RANBP17: variants seen among roughly 807,000 people sequenced by gnomAD.
RANBP17 encodes the protein ran-binding protein 17.
In RANBP17, 158 loss-of-function variants were observed where a neutral mutation model predicts 141.2. The observed-to-expected ratio is 1.12, with a 90% CI of 0.98 to 1.28. RANBP17 has a LOEUF of 1.28. RANBP17 is among the 50% of genes most tolerant of loss of function. RANBP17 has a pLI of 0.00. For synonymous variants in RANBP17, 430 were observed against 450.0 expected, an observed-to-expected ratio of 0.96 and a Z score of 0.56; for missense variants, 1,438 against 1,290.7, an observed-to-expected ratio of 1.11 and a Z score of -1.75.
chr5:171,195,207 A>C (rs768213181), intron 18 of RANBP17, among the ~76,000 whole-genome samples: 28 of 152,240 alleles, frequency 1.8e-4, no homozygotes, highest in Non-Finnish European at 3.8e-4. Context: ...TAAGAAAAAA[A>C]CTAACAGCTT....
At chr5:171,231,622 G>A (rs1033634202) in intron 22 of RANBP17, among the ~76,000 whole-genome samples, 9 of 152,138 alleles carry the variant, frequency 5.9e-5, no homozygotes, top group African/African-American at 1.9e-4. Flanking sequence ...TAACAATTGT[G>A]CGTCTAGTTG....
At chr5:170,977,013 CTT>C (rs1179755884) in intron 14 of RANBP17, among the ~76,000 whole-genome samples, 1 of 152,056 alleles carries the variant, frequency 6.6e-6, no homozygotes, top group Non-Finnish European at 1.5e-5. Context: ...CATTTAAAAA[CTT>C]TTGTACTTCA....
intron 14 of RANBP17, among the ~76,000 whole-genome samples, chr5:171,053,924 TA>T (rs60003234): frequency 0.026 from 1,132 of 44,186 alleles, 153 homozygotes; most frequent in South Asian, 0.05. Flanking sequence ...TATATATATA[TA>T]ATTGCTGTAT....
intron 18 of RANBP17, among the ~76,000 whole-genome samples, chr5:171,185,196 T>A (rs1761150284): frequency 6.6e-6 from 1 of 152,180 alleles, no homozygotes; most frequent in Non-Finnish European, 1.5e-5. Flanking sequence ...AATATTTTAT[T>A]GCTAAAAAAT....
At chr5:171,204,371 A>G (rs1214457327) in intron 19 of RANBP17, among the ~76,000 whole-genome samples, 2 of 152,182 alleles carry the variant, frequency 1.3e-5, no homozygotes, top group East Asian at 3.8e-4. Context: ...TTGAAATTAA[A>G]TTAATTGAAT....
intron 21 of RANBP17, among the ~76,000 whole-genome samples, chr5:171,220,441 C>CTTTTT (rs1173697219): frequency 1.9e-4 from 14 of 73,032 alleles, no homozygotes; most frequent in Admixed American, 3.6e-4. Context: ...CCAGATGATT[C>CTTTTT]TTTTTTTTTT....
rs116415259 is a variant in RANBP17 at position 171,241,266 on chromosome 5, A to T, written c.2637+124A>T. 632 of 661,266 alleles carry T rather than the reference A, an allele frequency of 9.6e-4. 8 individuals carry two copies. The African/African-American group carries it at 0.011, about 11-fold the overall frequency. 41.0% of individuals were successfully genotyped at this position (661,266 alleles called of 1,614,324 possible). ...AACATTTTATGTTTTAAGACAGCAT[A>T]CTTGATCTAACTTACAGAATTTGGA... On this transcript the variant is annotated intron_variant, in intron 23 of 27. Transcript: ENST00000523189.
intron 25 of RANBP17, among the ~76,000 whole-genome samples, chr5:171,282,030 G>C (rs1393318940): frequency 1.3e-5 from 2 of 152,192 alleles, no homozygotes; most frequent in Non-Finnish European, 2.9e-5. Flanking sequence ...TAGGAGAATG[G>C]AAGGGCTGGC....
intron 22 of RANBP17, 75 bp from the exon 23 acceptor site, chr5:171,240,853 A>G: frequency 1.1e-6 from 1 of 914,056 alleles, no homozygotes; most frequent in Non-Finnish European, 1.7e-6. Context: ...TAAAGTAAAA[A>G]TGTTAAATAG....
At chr5:171,008,928 A>G (rs1355895871) in intron 14 of RANBP17, among the ~76,000 whole-genome samples, 1 of 152,194 alleles carries the variant, frequency 6.6e-6, no homozygotes, top group Non-Finnish European at 1.5e-5. Flanking sequence ...TGACTATTAA[A>G]TATAGATGCT....
intron 13 of RANBP17, among the ~76,000 whole-genome samples, chr5:170,955,084 G>A (rs140509449): frequency 1.2e-3 from 189 of 152,154 alleles, no homozygotes; most frequent in Middle Eastern, 3.4e-3. Flanking sequence ...GATCTGAGGT[G>A]GAACAGTTTC....
intron 14 of RANBP17, among the ~76,000 whole-genome samples, chr5:170,991,947 T>G (rs1452107489): frequency 6.6e-6 from 1 of 152,038 alleles, no homozygotes; most frequent in African/African-American, 2.4e-5. Flanking sequence ...TATCACAGAT[T>G]GATTTTTGGA....
intron 4 of RANBP17, among the ~76,000 whole-genome samples, chr5:170,895,337 A>G (rs1278569877): frequency 6.6e-6 from 1 of 152,244 alleles, no homozygotes; most frequent in Non-Finnish European, 1.5e-5. Context: ...TATGATTTTC[A>G]TAATTCCAGT....
chr5:170,891,073 G>T (rs569210786), intron 3 of RANBP17, among the ~76,000 whole-genome samples: 2 of 152,052 alleles, frequency 1.3e-5, no homozygotes, highest in Non-Finnish European at 2.9e-5. Flanking sequence ...AGTCACTTTT[G>T]CTATAACATG....
Position 171,086,359 on chromosome 5 carries a change from G to A in RANBP17, c.1711-83771G>A, listed in dbSNP as rs902839381. Among the ~76,000 whole-genome samples the A allele has an allele frequency of 1.0e-3, 154 of 151,746 alleles. 2 individuals are homozygous for A. Among genetic ancestry groups the A allele is most frequent in the African/African-American group, 3.5e-3 (144 of 41,302 alleles). On this transcript the variant is annotated intron_variant, in intron 14 of 27. Coordinates refer to ENST00000523189, the MANE Select transcript of RANBP17 (RefSeq NM_022897.5). ...AGCGTTTTGATGTGCTGCTGGATTC[G>A]GTTTGCCAGTATTTTATTGAGGATT... is the stretch of plus-strand genomic sequence containing the variant.
intron 14 of RANBP17, among the ~76,000 whole-genome samples, chr5:171,124,180 A>C (rs934058299): frequency 2.0e-5 from 3 of 152,138 alleles, no homozygotes; most frequent in Non-Finnish European, 4.4e-5. Flanking sequence ...CAACATCGTG[A>C]AACCAAAGAA....
At position 170,871,578 on chromosome 5, in the gene RANBP17, G is replaced by A. The variant is rs182048718; in HGVS notation, c.19-6519G>A. 3.5e-4 allele frequency among the ~76,000 whole-genome samples: 53 copies of A among 152,226 alleles called. No individual in the cohort carries two copies. The East Asian group carries it at 8.5e-3, about 24-fold the overall frequency. On this transcript the variant is annotated intron_variant, in intron 1 of 27. Coordinates refer to ENST00000523189, the MANE Select transcript of RANBP17 (RefSeq NM_022897.5). ...TGTTGCAACTGCTTTTGGCAATTTC[G>A]CCATAAAATCTTTGCCCATGCCTAT...
chr5:171,125,617 C>CA (rs990105396), intron 14 of RANBP17, among the ~76,000 whole-genome samples: 8 of 152,174 alleles, frequency 5.3e-5, no homozygotes, highest in African/African-American at 1.7e-4. Context: ...ATCATTTAGG[C>CA]AAAAAATCCA....
chr5:171,167,455 A>G (rs1219803023), intron 14 of RANBP17, among the ~76,000 whole-genome samples: 1 of 152,186 alleles, frequency 6.6e-6, no homozygotes, highest in African/African-American at 2.4e-5. Context: ...GTAAAGATGT[A>G]AATACAATAA....
Sources: gnomAD v4.1 joint callset for allele counts (sites outside exome capture counted in the v4.1 genomes callset) on GRCh38, gnomAD v4.1.1 for gene constraint, MANE v1.5 for transcripts, NCBI Gene and HGNC (gene_info 2026-07-23, HGNC 2026-07-21) for gene names.